The following NRG1 variants were observed in gnomAD, a reference collection of about 807,000 sequenced individuals.
NRG1 encodes neuregulin 1, also known as pro-neuregulin-1, membrane-bound isoform.
A neutral mutation model predicts 63.8 loss-of-function variants in NRG1; 18 were observed. The ratio of observed to expected loss-of-function variants is 0.28; its 90% CI spans 0.19 to 0.42. The LOEUF (loss-of-function observed/expected upper bound fraction) is 0.42. Ranked by LOEUF, NRG1 falls within the 10% of genes least tolerant of loss-of-function variation. The pLI is 1.00. For missense variants in NRG1, 762 were observed against 814.7 expected, an observed-to-expected ratio of 0.94 and a Z score of 0.79; for synonymous variants, 302 against 301.3, an observed-to-expected ratio of 1.00 and a Z score of -0.02.
rs556242739 is a variant in NRG1 at position 31,891,302 on chromosome 8, A to G, written c.37+251871A>G. Among the ~76,000 whole-genome samples, 43 of 152,296 alleles carry G rather than the reference A, an allele frequency of 2.8e-4. No homozygotes were observed. In the South Asian group the frequency reaches 8.7e-3, roughly 31 times the overall value. On this transcript the variant is annotated intron_variant, in intron 1 of 10. Transcript: ENST00000519301. ...GTCAACAGTAAAAAATTTTAGTAAC[A>G]ATCTATTTTAGAAAATGAACAAAAG...
At chr8:32,719,360 C>T (rs1304390050) in intron 5 of NRG1, among the ~76,000 whole-genome samples, 1 of 151,984 alleles carries the variant, frequency 6.6e-6, no homozygotes, top group African/African-American at 2.4e-5. Context: ...GTAGCCATCA[C>T]CCACTTCAGC....
intron 5 of NRG1, among the ~76,000 whole-genome samples, chr8:32,694,577 A>G (rs1332945550): frequency 6.6e-6 from 1 of 152,216 alleles, no homozygotes; most frequent in Non-Finnish European, 1.5e-5. Flanking sequence ...TTTTAATTGT[A>G]TAAAACAACT....
chr8:32,381,384 T>C (rs956057684), intron 1 of NRG1, among the ~76,000 whole-genome samples: 7 of 152,196 alleles, frequency 4.6e-5, no homozygotes, highest in Non-Finnish European at 7.3e-5. Flanking sequence ...ATTATGTTTG[T>C]TGGCTTGTTC....
chr8:32,044,913 C>CAAAAAAAAAAAAAAAAAAAAAAAA lies in NRG1; in HGVS notation c.37+405500_37+405501insAAAAAAAAAAAAAAAAAAAAAAAA. Reference sequence around the variant, plus strand: ...CCTTAAGAACTTACATAAAGAAAAGCAAAAAAAAAAAAAAAAAACACACAC... The same window carrying CAAAAAAAAAAAAAAAAAAAAAAAA: ...CCTTAAGAACTTACATAAAGAAAAGCAAAAAAAAAAAAAAAAAAAAAAAAAAAAAAAAAAAAAAAAAACACACAC... On this transcript the variant is annotated intron_variant, in intron 1 of 10. Transcript: ENST00000519301. Among the ~76,000 whole-genome samples the CAAAAAAAAAAAAAAAAAAAAAAAA allele has an allele frequency of 1.7e-3, 99 of 57,128 alleles. 1 individual carries two copies. Among genetic ancestry groups the CAAAAAAAAAAAAAAAAAAAAAAAA allele is most frequent in the East Asian group, 2.5e-3 (7 of 2,804 alleles). 37.5% of individuals were successfully genotyped at this position (57,128 alleles called of 152,430 possible).
At chr8:32,067,283 G>T (rs1349513538) in intron 1 of NRG1, among the ~76,000 whole-genome samples, 4 of 152,124 alleles carry the variant, frequency 2.6e-5, no homozygotes, top group Non-Finnish European at 5.9e-5. Flanking sequence ...CAAAGGGAAT[G>T]CTTCCAGTTT....
intron 1 of NRG1, among the ~76,000 whole-genome samples, chr8:32,558,990 G>C (rs866844327): frequency 2.1e-4 from 31 of 148,620 alleles, no homozygotes; most frequent in African/African-American, 7.5e-4. Context: ...GAGATGGGAG[G>C]ATCACTTGAG....
chr8:31,921,353 A>G (rs1833899253), intron 1 of NRG1, among the ~76,000 whole-genome samples: 1 of 152,138 alleles, frequency 6.6e-6, no homozygotes, highest in Non-Finnish European at 1.5e-5. Flanking sequence ...GAGCCAGTTC[A>G]TGAAGCGCTA....
intron 1 of NRG1, among the ~76,000 whole-genome samples, chr8:32,414,620 C>T (rs1815598491): frequency 6.6e-6 from 1 of 152,172 alleles, no homozygotes; most frequent in African/African-American, 2.4e-5. Context: ...TTGAAACCAA[C>T]TAAATCTGGT....
At chr8:31,756,362 A>G (rs1816964048) in intron 1 of NRG1, among the ~76,000 whole-genome samples, 1 of 152,084 alleles carries the variant, frequency 6.6e-6, no homozygotes, top group African/African-American at 2.4e-5. Context: ...TTAAGGGCAA[A>G]GGAGGAAGGG....
rs529591621 is a variant in NRG1 at position 31,976,469 on chromosome 8, T to C, written c.37+337038T>C. 3.5e-4 allele frequency among the ~76,000 whole-genome samples: 54 copies of C among 152,300 alleles called. 1 individual carries two copies. In the Middle Eastern group the frequency reaches 0.014, roughly 38 times the overall value. ...CATGACGCTCACTACCACTGACATG[T>C]TGCATGTGAGTGGTGGGGGGAGATG... On this transcript the variant is annotated intron_variant, in intron 1 of 10. Transcript: ENST00000519301.
intron 1 of NRG1, among the ~76,000 whole-genome samples, chr8:31,743,825 C>A (rs932674041): frequency 2.6e-5 from 4 of 151,870 alleles, no homozygotes; most frequent in African/African-American, 9.7e-5. Context: ...GAGAATTATT[C>A]TTTATATGAT....
downstream of NRG1, among the ~76,000 whole-genome samples, chr8:32,770,247 T>C (rs1229321235): frequency 1.3e-5 from 2 of 152,202 alleles, no homozygotes; most frequent in African/African-American, 4.8e-5. Flanking sequence ...TTTTATAATA[T>C]TTTTATGGCT....
intron 1 of NRG1, among the ~76,000 whole-genome samples, chr8:31,812,569 C>G (rs1450268113): frequency 6.6e-6 from 1 of 151,434 alleles, no homozygotes; most frequent in Admixed American, 6.6e-5. Flanking sequence ...TCCTCCTTCC[C>G]TTCCTCCTCC....
chr8:32,531,108 A>G (rs1405108310), intron 1 of NRG1, among the ~76,000 whole-genome samples: 2 of 136,038 alleles, frequency 1.5e-5, no homozygotes, highest in Non-Finnish European at 3.5e-5. Context: ...AAAGAAAGAA[A>G]GGAAAGAAAG....
At chr8:32,747,731 T>G (rs1589564356) in intron 7 of NRG1, among the ~76,000 whole-genome samples, 2 of 134,018 alleles carry the variant, frequency 1.5e-5, no homozygotes, top group South Asian at 4.8e-4. Flanking sequence ...TATGTGTGTG[T>G]GTATATATAT....
intron 1 of NRG1, among the ~76,000 whole-genome samples, chr8:32,090,913 A>G: frequency 6.6e-6 from 1 of 152,142 alleles, no homozygotes; most frequent in East Asian, 1.9e-4. Flanking sequence ...TTAAATCTAA[A>G]CAACTTTTCA....
At chr8:32,122,879 G>GT (rs1301662565) in intron 1 of NRG1, among the ~76,000 whole-genome samples, 5 of 151,770 alleles carry the variant, frequency 3.3e-5, no homozygotes, top group East Asian at 3.9e-4. Flanking sequence ...ACGGTGTTTG[G>GT]TTTTTTGTCT....
chr8:32,548,417 T>G, exon 1 of NRG1: 1 of 1,107,998 alleles, frequency 9.0e-7, no homozygotes, highest in African/African-American at 1.6e-5. Context: ...CCCGATCGGG[T>G]TGCGAGGGCG....
chr8:32,247,862 ATAT>A (rs1343816034), intron 1 of NRG1, among the ~76,000 whole-genome samples: 3 of 152,158 alleles, frequency 2.0e-5, no homozygotes, highest in Non-Finnish European at 2.9e-5. Flanking sequence ...TAAAGAAAAA[ATAT>A]TATTAAGAGT....
Sources: allele counts gnomAD v4.1 joint callset (sites outside exome capture counted in the v4.1 genomes callset), GRCh38; gene constraint gnomAD v4.1.1; transcripts MANE v1.5; gene names NCBI Gene and HGNC (gene_info 2026-07-23, HGNC 2026-07-21).